Variants in FHIT observed in about 807,000 individuals in gnomAD.
FHIT encodes fragile histidine triad diadenosine triphosphatase, also known as bis(5'-adenosyl)-triphosphatase.
FHIT carries 19 observed loss-of-function variants against 17.9 expected under a neutral mutation model. That is an observed-to-expected ratio of 1.06 (90% CI 0.74 to 1.56). FHIT has a LOEUF of 1.56. Ranked by LOEUF, FHIT falls within the 40% of genes most tolerant of loss-of-function variation. The pLI is 0.00. For missense variants in FHIT, 248 were observed against 189.2 expected (o/e 1.31, Z -1.82); for synonymous variants, 81 against 69.7 (o/e 1.16, Z -0.81).
At chr3:60,925,179 C>G (rs1366323696) in intron 3 of FHIT, among the ~76,000 whole-genome samples, 1 of 152,090 alleles carries the variant, frequency 6.6e-6, no homozygotes. Context: ...GCAAGGACGG[C>G]CAACATTCAA....
intron 1 of FHIT, among the ~76,000 whole-genome samples, chr3:61,210,580 T>TCCGTGGGCGTAGGGCCCTCCGAG (rs1382762053): frequency 6.6e-6 from 1 of 152,168 alleles, no homozygotes; most frequent in Non-Finnish European, 1.5e-5. Flanking sequence ...TGAGTGAGGC[T>TCCGTGGGCGTAGGGCCCTCCGAG]CCGTGGGCGT....
At chr3:60,912,687 C>G (rs1359570606) in intron 3 of FHIT, 3 of 492,380 alleles carry the variant, frequency 6.1e-6, no homozygotes, top group Non-Finnish European at 1.2e-5. Context: ...AGAAGAGACA[C>G]CAGAGGAATC....
At chr3:60,705,346 A>G (rs1161164404) in intron 4 of FHIT, among the ~76,000 whole-genome samples, 4 of 152,216 alleles carry the variant, frequency 2.6e-5, no homozygotes, top group African/African-American at 4.8e-5. Context: ...CCAAAGGGAA[A>G]TAAGAACCTT....
intron 4 of FHIT, among the ~76,000 whole-genome samples, chr3:60,557,778 TG>T (rs1344557855): frequency 6.6e-6 from 1 of 152,034 alleles, no homozygotes; most frequent in African/African-American, 2.4e-5. Context: ...ACTAATGAAA[TG>T]CATAGGTATT....
chr3:60,165,662 C>G (rs1435567242), intron 5 of FHIT, among the ~76,000 whole-genome samples: 1 of 152,052 alleles, frequency 6.6e-6, no homozygotes, highest in Non-Finnish European at 1.5e-5. Context: ...CTCAAATAAG[C>G]AAAGGGAAAA....
chr3:60,655,488 G>A (rs1553689332), intron 4 of FHIT, among the ~76,000 whole-genome samples: 1 of 152,182 alleles, frequency 6.6e-6, no homozygotes, highest in African/African-American at 2.4e-5. Flanking sequence ...ATAACGAGGA[G>A]AGAGCAAATG....
intron 5 of FHIT, among the ~76,000 whole-genome samples, chr3:60,488,649 T>C (rs2033940658): frequency 6.6e-6 from 1 of 152,100 alleles, no homozygotes; most frequent in African/African-American, 2.4e-5. Context: ...TTTCAATCTT[T>C]TAATTACCAG....
chr3:60,588,230 A>T (rs928781950), intron 4 of FHIT, among the ~76,000 whole-genome samples: 1 of 152,070 alleles, frequency 6.6e-6, no homozygotes, highest in African/African-American at 2.4e-5. Flanking sequence ...GCTGAACTTG[A>T]TCATATTTTC....
chr3:60,840,302 A>G (rs1702678113), intron 3 of FHIT, among the ~76,000 whole-genome samples: 1 of 152,144 alleles, frequency 6.6e-6, no homozygotes, highest in South Asian at 2.1e-4. Flanking sequence ...TAATTTTCAC[A>G]TCTTTCATGA....
intron 5 of FHIT, among the ~76,000 whole-genome samples, chr3:60,334,561 T>G (rs548114365): frequency 5.6e-4 from 85 of 152,266 alleles, no homozygotes; most frequent in African/African-American, 2.0e-3. Flanking sequence ...CCAAGGCAGG[T>G]GGATCATCGA....
At chr3:60,051,243 T>C (rs1292649739) in intron 5 of FHIT, among the ~76,000 whole-genome samples, 2 of 151,780 alleles carry the variant, frequency 1.3e-5, no homozygotes, top group Non-Finnish European at 2.9e-5. Flanking sequence ...TGAGGCTGTC[T>C]CCGTAATTTG....
At chr3:60,041,474 G>A (rs994846991) in intron 5 of FHIT, among the ~76,000 whole-genome samples, 3 of 152,268 alleles carry the variant, frequency 2.0e-5, no homozygotes, top group East Asian at 1.9e-4. Flanking sequence ...GAAGCCTTTC[G>A]AAGAAATGCT....
chr3:60,495,270 T>C (rs909593897), intron 5 of FHIT, among the ~76,000 whole-genome samples: 3 of 152,208 alleles, frequency 2.0e-5, no homozygotes, highest in African/African-American at 4.8e-5. Flanking sequence ...TTTTAGTGTA[T>C]GGTTTCTTTC....
At chr3:59,877,879 TG>T (rs1255865735) in intron 8 of FHIT, among the ~76,000 whole-genome samples, 1 of 152,328 alleles carries the variant, frequency 6.6e-6, no homozygotes, top group Admixed American at 6.5e-5. Flanking sequence ...TAACCATGAA[TG>T]GTGAGTCAGA....
At chr3:60,002,717 T>C (rs1699776372) in intron 7 of FHIT, among the ~76,000 whole-genome samples, 1 of 152,178 alleles carries the variant, frequency 6.6e-6, no homozygotes, top group African/African-American at 2.4e-5. Flanking sequence ...CATGAAATCT[T>C]TACCTTTTCC....
chr3:60,990,768 T>C (rs2030129999), intron 3 of FHIT, among the ~76,000 whole-genome samples: 1 of 152,238 alleles, frequency 6.6e-6, no homozygotes, highest in African/African-American at 2.4e-5. Context: ...GCCTTCATTT[T>C]ATTATATGAA....
intron 5 of FHIT, among the ~76,000 whole-genome samples, chr3:60,318,821 A>C (rs1209207477): frequency 6.6e-6 from 1 of 152,256 alleles, no homozygotes; most frequent in Admixed American, 6.5e-5. Flanking sequence ...GTACAAAATC[A>C]GTTTCACTGA....
intron 8 of FHIT, among the ~76,000 whole-genome samples, chr3:59,891,059 G>C (rs1186696310): frequency 6.6e-6 from 1 of 152,200 alleles, no homozygotes; most frequent in Non-Finnish European, 1.5e-5. Context: ...GTCAGAATAA[G>C]GGTTATGTAC....
chr3:60,386,961 G>C (rs970839330), intron 5 of FHIT, among the ~76,000 whole-genome samples: 2 of 151,470 alleles, frequency 1.3e-5, no homozygotes, highest in Non-Finnish European at 2.9e-5. Flanking sequence ...GTCTGCTCTT[G>C]AAAGTCCCCA....
Sources: allele counts gnomAD v4.1 joint callset (sites outside exome capture counted in the v4.1 genomes callset), GRCh38; gene constraint gnomAD v4.1.1; transcripts MANE v1.5; gene names NCBI Gene and HGNC (gene_info 2026-07-23, HGNC 2026-07-21).